TTC39B: variants seen among roughly 807,000 people sequenced by gnomAD.
TTC39B encodes the protein tetratricopeptide repeat domain 39B.
Under a neutral mutation model 96.6 loss-of-function variants are expected in TTC39B, and 92 were observed. That is an observed-to-expected ratio of 0.95 (90% CI 0.80 to 1.13). The LOEUF (loss-of-function observed/expected upper bound fraction) is 1.13. Among genes scored for constraint, TTC39B ranks in the 50% most tolerant of loss-of-function variants. TTC39B has a pLI of 0.00. For synonymous variants in TTC39B, 367 were observed against 299.4 expected (o/e 1.23, Z -2.33); for missense variants, 955 against 809.3 (o/e 1.18, Z -2.18).
chr9:15,220,003 GA>G (rs1820755981), intron 3 of TTC39B, among the ~76,000 whole-genome samples: 1 of 152,192 alleles, frequency 6.6e-6, no homozygotes, highest in South Asian at 2.1e-4. Flanking sequence ...CTGAGAATTT[GA>G]TCTCCATACG....
chr9:15,257,243 G>A (rs567734742), intron 2 of TTC39B, among the ~76,000 whole-genome samples: 2 of 152,290 alleles, frequency 1.3e-5, no homozygotes, highest in Middle Eastern at 3.4e-3. Flanking sequence ...GAAAGAGACT[G>A]TCTTTGTTTT....
intron 2 of TTC39B, among the ~76,000 whole-genome samples, chr9:15,237,338 CG>C (rs1445359025): frequency 4.6e-5 from 7 of 151,910 alleles, no homozygotes; most frequent in African/African-American, 1.5e-4. Flanking sequence ...ATAAATGAAC[CG>C]AAAAGTCGGT....
chr9:15,235,204 A>C (rs564498770), intron 2 of TTC39B, among the ~76,000 whole-genome samples: 1 of 152,086 alleles, frequency 6.6e-6, no homozygotes, highest in Non-Finnish European at 1.5e-5. Context: ...TCACCAACTA[A>C]TAATTTTTTA....
chr9:15,192,677 C>T (rs1257776600), exon 9 of TTC39B: 1 of 1,613,596 alleles, frequency 6.2e-7, no homozygotes, highest in African/African-American at 1.3e-5. Flanking sequence ...GAATTTCATG[C>T]AGGATAGAAA....
chr9:15,206,245 A>G (rs1272841718), intron 6 of TTC39B, among the ~76,000 whole-genome samples: 1 of 152,234 alleles, frequency 6.6e-6, no homozygotes, highest in Non-Finnish European at 1.5e-5. Flanking sequence ...GCAATCCGCC[A>G]GCCACAAGAG....
chr9:15,231,614 G>A (rs964625302), intron 2 of TTC39B, among the ~76,000 whole-genome samples: 1 of 151,962 alleles, frequency 6.6e-6, no homozygotes, highest in African/African-American at 2.4e-5. Context: ...ATTTTCGAGG[G>A]TAAAGCTTAC....
At chr9:15,255,462 A>G (rs149853045) in intron 2 of TTC39B, among the ~76,000 whole-genome samples, 1 of 152,294 alleles carries the variant, frequency 6.6e-6, no homozygotes, top group Non-Finnish European at 1.5e-5. Flanking sequence ...AACACAAGCA[A>G]TGAAGAAGTT....
intron 1 of TTC39B, among the ~76,000 whole-genome samples, chr9:15,277,129 T>TA (rs906020969): frequency 5.9e-5 from 9 of 152,242 alleles, no homozygotes; most frequent in Middle Eastern, 3.4e-3. Context: ...TTGCCCAGCA[T>TA]AAAAAACATA....
intron 3 of TTC39B, 90 bp downstream of exon 3, chr9:15,225,827 A>C (rs890071431): frequency 8.2e-7 from 1 of 1,217,684 alleles, no homozygotes; most frequent in Non-Finnish European, 1.2e-6. Flanking sequence ...TGTCAAACGC[A>C]ATGCACTATG....
intron 15 of TTC39B, among the ~76,000 whole-genome samples, chr9:15,186,370 G>A (rs1281185403): frequency 6.6e-6 from 1 of 152,106 alleles, no homozygotes; most frequent in Non-Finnish European, 1.5e-5. Context: ...TAGTTTAAAG[G>A]TAACAGCATC....
chr9:15,210,423 C>T (rs1820129360), intron 5 of TTC39B, among the ~76,000 whole-genome samples: 2 of 152,246 alleles, frequency 1.3e-5, no homozygotes, highest in South Asian at 4.1e-4. Flanking sequence ...AAACTAACCT[C>T]CAAAGTACCT....
At chr9:15,188,548 G>A (rs544197425) in intron 13 of TTC39B, among the ~76,000 whole-genome samples, 3 of 152,096 alleles carry the variant, frequency 2.0e-5, no homozygotes, top group East Asian at 1.9e-4. Context: ...ATAAAATTCT[G>A]TAAGAAAAAG....
At chr9:15,224,875 T>C (rs904703329) in intron 3 of TTC39B, among the ~76,000 whole-genome samples, 4 of 152,180 alleles carry the variant, frequency 2.6e-5, no homozygotes, top group Non-Finnish European at 5.9e-5. Context: ...CTTTTCTATA[T>C]ATTGCGAGGG....
intron 1 of TTC39B, among the ~76,000 whole-genome samples, chr9:15,281,369 C>G (rs1480171107): frequency 6.6e-6 from 1 of 151,972 alleles, no homozygotes; most frequent in Non-Finnish European, 1.5e-5. Context: ...ATGTCAGCTC[C>G]CATTAAATTA....
At chr9:15,185,156 T>G in intron 16 of TTC39B, 124 bp downstream of exon 16, 1 of 1,279,414 alleles carries the variant, frequency 7.8e-7, no homozygotes, top group South Asian at 1.6e-5. Context: ...AATGTTCAAC[T>G]TACAACAAAA....
At chr9:15,209,552 T>A (rs548846491) in intron 6 of TTC39B, among the ~76,000 whole-genome samples, 3 of 152,222 alleles carry the variant, frequency 2.0e-5, no homozygotes, top group Non-Finnish European at 2.9e-5. Context: ...GGAATACCTA[T>A]AAATATTGTA....
At chr9:15,276,931 G>A (rs1367713805) in intron 1 of TTC39B, among the ~76,000 whole-genome samples, 2 of 152,190 alleles carry the variant, frequency 1.3e-5, no homozygotes, top group African/African-American at 2.4e-5. Flanking sequence ...CAGGAGATGG[G>A]GCTGGGATCC....
chr9:15,260,079 T>A lies in TTC39B; in HGVS notation c.275+7835A>T, dbSNP rs532404486. ...AAATTGTATAATTAAAATAGGAATA[T>A]ATATGAGATATAAATTAATATTGCA... On this transcript the variant is annotated intron_variant, in intron 2 of 19. Coordinates refer to ENST00000512701, the Ensembl canonical transcript of TTC39B. Among the ~76,000 whole-genome samples the A allele has an allele frequency of 3.3e-5, 5 of 152,244 alleles. No homozygotes were observed. In the South Asian group the frequency reaches 1.0e-3, roughly 32 times the overall value.
intron 1 of TTC39B, among the ~76,000 whole-genome samples, chr9:15,294,112 T>C (rs561091307): frequency 2.0e-5 from 3 of 152,330 alleles, no homozygotes; most frequent in Non-Finnish European, 1.5e-5. Flanking sequence ...ATTTGCATGT[T>C]ACTTTAAAGG....
Sources: gnomAD v4.1 joint callset for allele counts (sites outside exome capture counted in the v4.1 genomes callset) on GRCh38, gnomAD v4.1.1 for gene constraint, MANE v1.5 for transcripts, NCBI Gene and HGNC (gene_info 2026-07-23, HGNC 2026-07-21) for gene names.